Variants in IL1RAPL1 observed in about 807,000 individuals in gnomAD.
The protein encoded by IL1RAPL1 is interleukin 1 receptor accessory protein like 1, also known as interleukin-1 receptor accessory protein-like 1.
In IL1RAPL1, 3 loss-of-function variants were observed where a neutral mutation model predicts 48.4. The ratio of observed to expected loss-of-function variants is 0.06; its 90% confidence interval spans 0.03 to 0.16. The LOEUF (loss-of-function observed/expected upper bound fraction) is 0.16. Ranked by LOEUF, IL1RAPL1 falls within the 10% of genes least tolerant of loss-of-function variation. The pLI, the probability that IL1RAPL1 is intolerant of heterozygous loss-of-function variation, is 1.00. For synonymous variants in IL1RAPL1, 185 were observed against 187.7 expected (o/e 0.99, Z 0.12); for missense variants, 349 against 530.6 (o/e 0.66, Z 3.36).
intron 1 of IL1RAPL1, among the ~76,000 whole-genome samples, chrX:28,664,772 T>TG (rs1377722451): frequency 9.0e-6 from 1 of 111,675 alleles, no homozygotes; most frequent in East Asian, 2.8e-4. Flanking sequence ...CTAAATGAAC[T>TG]TTTTCTCAGA....
At chrX:28,973,822 C>G (rs1316725431) in intron 2 of IL1RAPL1, among the ~76,000 whole-genome samples, 2 of 111,992 alleles carry the variant, frequency 1.8e-5, no homozygotes, top group Admixed American at 9.5e-5. Context: ...TTAGCCTCTG[C>G]TTCATTCATT....
At chrX:29,059,055 G>T (rs1012532246) in intron 2 of IL1RAPL1, among the ~76,000 whole-genome samples, 1 of 112,239 alleles carries the variant, frequency 8.9e-6, no homozygotes, top group African/African-American at 3.2e-5. Flanking sequence ...AACTTTGCTT[G>T]TGAAGGAATT....
intron 2 of IL1RAPL1, among the ~76,000 whole-genome samples, chrX:28,936,571 GTATA>G (rs990579659): frequency 1.8e-5 from 2 of 109,806 alleles, no homozygotes; most frequent in African/African-American, 6.6e-5. Flanking sequence ...ACTTATGTGT[GTATA>G]TATATATGTA....
chrX:28,864,344 A>G (rs1394297341), intron 2 of IL1RAPL1, among the ~76,000 whole-genome samples: 2 of 112,228 alleles, frequency 1.8e-5, no homozygotes, highest in Admixed American at 1.9e-4. Context: ...TTGAGTGCCT[A>G]TACCATGTCC....
chrX:28,768,778 T>TATATATATATAC (rs768805531), intron 1 of IL1RAPL1, among the ~76,000 whole-genome samples: 87 of 76,378 alleles, frequency 1.1e-3, no homozygotes, highest in Non-Finnish European at 1.9e-3. Context: ...TATATATATA[T>TATATATATATAC]ACACACACTA....
intron 2 of IL1RAPL1, among the ~76,000 whole-genome samples, chrX:29,067,989 G>A (rs1326244938): frequency 9.0e-6 from 1 of 111,621 alleles, no homozygotes; most frequent in Admixed American, 9.5e-5. Context: ...TTTTTTAATG[G>A]TCCTTATATT....
At chrX:29,741,922 C>CA (rs754527676) in intron 6 of IL1RAPL1, among the ~76,000 whole-genome samples, 2,336 of 25,443 alleles carry the variant, frequency 0.092, 52 homozygotes, top group Middle Eastern at 0.19. Flanking sequence ...GAGACTCCGT[C>CA]AAAAAAAAAA....
intron 5 of IL1RAPL1, among the ~76,000 whole-genome samples, chrX:29,399,919 G>A (rs898724223): frequency 1.8e-5 from 2 of 111,562 alleles, no homozygotes; most frequent in Non-Finnish European, 3.8e-5. Flanking sequence ...TAATGGTATC[G>A]TTTTTGGAAA....
At chrX:29,139,040 A>T (rs1276894447) in intron 2 of IL1RAPL1, among the ~76,000 whole-genome samples, 1 of 111,623 alleles carries the variant, frequency 9.0e-6, no homozygotes, top group Non-Finnish European at 1.9e-5. Flanking sequence ...AACTGTGGGA[A>T]AAGTGCTCTG....
Position 29,703,954 on chromosome X carries a change from A to G in IL1RAPL1, c.778+35450A>G, listed in dbSNP as rs1018830453. ...GTATTTTTAATTTTTTTTAAGGGAC[A>G]GGGTCTTGCTCAGGTTAGAGTGCAG... On this transcript the variant is annotated intron_variant, in intron 6 of 10. Coordinates refer to ENST00000378993, the MANE Select transcript of IL1RAPL1 (RefSeq NM_014271.4). Among the ~76,000 whole-genome samples, 39 of 111,592 alleles carry G rather than the reference A, an allele frequency of 3.5e-4. 2 individuals carry two copies. Among genetic ancestry groups the G allele is most frequent in the Non-Finnish European group, 2.1e-4 (11 of 53,107 alleles).
intron 1 of IL1RAPL1, among the ~76,000 whole-genome samples, chrX:28,716,924 C>T (rs1353891252): frequency 8.9e-6 from 1 of 111,953 alleles, no homozygotes; most frequent in Non-Finnish European, 1.9e-5. Context: ...CATCACTGAT[C>T]ATTAGAAAAA....
intron 2 of IL1RAPL1, among the ~76,000 whole-genome samples, chrX:28,870,241 T>G (rs1221944924): frequency 9.0e-6 from 1 of 111,680 alleles, no homozygotes; most frequent in South Asian, 3.7e-4. Flanking sequence ...CTTCTGGGTA[T>G]ATACCTAGAA....
At chrX:28,945,778 A>C (rs1331234888) in intron 2 of IL1RAPL1, among the ~76,000 whole-genome samples, 3 of 109,601 alleles carry the variant, frequency 2.7e-5, no homozygotes, top group Non-Finnish European at 5.7e-5. Flanking sequence ...TAAAATAATA[A>C]TAATAATAAC....
At chrX:29,605,122 AC>A (rs1204655006) in intron 5 of IL1RAPL1, among the ~76,000 whole-genome samples, 358 of 91,012 alleles carry the variant, frequency 3.9e-3, no homozygotes, top group African/African-American at 0.014. Flanking sequence ...ACACACACAC[AC>A]ACACGGAGGG....
At chrX:29,200,541 G>A (rs1053729558) in intron 2 of IL1RAPL1, among the ~76,000 whole-genome samples, 1 of 111,156 alleles carries the variant, frequency 9.0e-6, no homozygotes, top group Non-Finnish European at 1.9e-5. Context: ...ATTGAAAGGG[G>A]GAGAGAAAAC....
At chrX:29,267,606 A>AT (rs1187361624) in intron 2 of IL1RAPL1, among the ~76,000 whole-genome samples, 10 of 110,510 alleles carry the variant, frequency 9.0e-5, no homozygotes, top group South Asian at 7.7e-4. Flanking sequence ...TAGTGGAAGA[A>AT]TTTTTTTTTA....
chrX:29,815,929 A>C (rs1048606532), intron 6 of IL1RAPL1, among the ~76,000 whole-genome samples: 1 of 111,559 alleles, frequency 9.0e-6, no homozygotes, highest in Non-Finnish European at 1.9e-5. Flanking sequence ...CCAAGCTTGC[A>C]TTCCAGAAAT....
In IL1RAPL1 at chrX:29,615,428, AGGAGAGGGGACG is replaced by A. The variant is rs1333088271; in HGVS notation, c.704-52996_704-52985del. ...AGAGGAGGGGAGGGGAGGGGAGGCGAGGAGAGGGGACGGGAGAAAAAAGTTCTCTGCTAGCTT... is the reference window on the plus strand; with the variant it reads ...AGAGGAGGGGAGGGGAGGGGAGGCGAGGAGAAAAAAGTTCTCTGCTAGCTT... On this transcript the variant is annotated intron_variant, in intron 5 of 10. Transcript: ENST00000378993. Among the ~76,000 whole-genome samples the A allele has an allele frequency of 8.2e-5, 9 of 109,762 alleles. No individual in the cohort carries two copies. In the East Asian group the frequency reaches 2.6e-3, roughly 32 times the overall value.
chrX:29,042,082 T>C (rs1432709192), intron 2 of IL1RAPL1, among the ~76,000 whole-genome samples: 2 of 111,767 alleles, frequency 1.8e-5, no homozygotes, highest in Non-Finnish European at 3.8e-5. Context: ...CCAAAAGATA[T>C]CAATTTTCAT....
Sources: allele counts gnomAD v4.1 joint callset (sites outside exome capture counted in the v4.1 genomes callset), GRCh38; gene constraint gnomAD v4.1.1; transcripts MANE v1.5; gene names NCBI Gene and HGNC (gene_info 2026-07-23, HGNC 2026-07-21).